The following CCDC3 variants were observed in gnomAD, a reference collection of about 807,000 sequenced individuals.
CCDC3 encodes the protein coiled-coil domain-containing protein 3.
Under a neutral mutation model 21.4 loss-of-function variants are expected in CCDC3, and 24 were observed. That is an observed-to-expected ratio of 1.12 (90% CI 0.81 to 1.58). CCDC3 has a LOEUF of 1.58. Ranked by LOEUF, CCDC3 falls within the 40% of genes most tolerant of loss-of-function variation. The probability of loss-of-function intolerance (pLI) is 0.00; values close to 1 mark genes in which losing one functional copy is unlikely to be tolerated. For missense variants in CCDC3, 425 were observed against 360.9 expected (o/e 1.18, Z -1.44); for synonymous variants, 186 against 166.0 (o/e 1.12, Z -0.93).
At chr10:12,947,560 T>C (rs913035175) in intron 2 of CCDC3, among the ~76,000 whole-genome samples, 2 of 152,192 alleles carry the variant, frequency 1.3e-5, no homozygotes, top group African/African-American at 4.8e-5. Flanking sequence ...TCACCTCAGC[T>C]ACAGGCCACC....
At chr10:12,954,080 A>T (rs1027264045) in intron 2 of CCDC3, among the ~76,000 whole-genome samples, 10 of 152,206 alleles carry the variant, frequency 6.6e-5, no homozygotes, top group African/African-American at 2.4e-4. Context: ...AAAAAATTTT[A>T]AAAAGCACAC....
rs563806943 is a variant in CCDC3, at chr10:13,028,857, A to T, written c.-2+20817T>A. On this transcript the variant is annotated intron_variant, in intron 5 of 6. Coordinates refer to the CCDC3 transcript ENST00000378839. ...TCTGCCTCTTGAGAAGTAAGGAATT[A>T]TTCTGGACATTGCTAGACTGGAACT... 2.0e-5 allele frequency among the ~76,000 whole-genome samples: 3 copies of T among 152,316 alleles called. No individual in the cohort carries two copies. The East Asian group carries it at 5.8e-4, about 29-fold the overall frequency.
upstream of CCDC3, among the ~76,000 whole-genome samples, chr10:13,005,330 T>G (rs1429795675): frequency 6.6e-6 from 1 of 152,118 alleles, no homozygotes; most frequent in Non-Finnish European, 1.5e-5. Context: ...ACCTTCAGAG[T>G]CAAAGGAATC....
chr10:13,069,033 A>G (rs994206221), intron 4 of CCDC3, among the ~76,000 whole-genome samples: 1 of 152,242 alleles, frequency 6.6e-6, no homozygotes, highest in Non-Finnish European at 1.5e-5. Context: ...AGGCAGGCGG[A>G]TCACCTGAGG....
intron 4 of CCDC3, among the ~76,000 whole-genome samples, chr10:13,054,397 A>G (rs1460955934): frequency 6.6e-6 from 1 of 151,906 alleles, no homozygotes; most frequent in Non-Finnish European, 1.5e-5. Flanking sequence ...TTCAAAGTGG[A>G]TTGCTTCCAT....
chr10:13,015,213 G>A (rs1018765189), intron 5 of CCDC3, among the ~76,000 whole-genome samples: 3 of 151,998 alleles, frequency 2.0e-5, no homozygotes, highest in Non-Finnish European at 4.4e-5. Context: ...GCCTGATGTA[G>A]TTACAGTAAA....
At chr10:13,045,722 A>G (rs1452778099) in intron 5 of CCDC3, among the ~76,000 whole-genome samples, 1 of 152,204 alleles carries the variant, frequency 6.6e-6, no homozygotes, top group Non-Finnish European at 1.5e-5. Flanking sequence ...CAGGGTCCTC[A>G]TCAACATTTT....
At chr10:13,024,341 C>T (rs1836188449) in intron 5 of CCDC3, among the ~76,000 whole-genome samples, 4 of 152,104 alleles carry the variant, frequency 2.6e-5, no homozygotes, top group African/African-American at 9.7e-5. Context: ...TCAAGGCAGT[C>T]CTCTCTCTGA....
At chr10:13,007,242 A>C (rs1835935397) in intron 5 of CCDC3, among the ~76,000 whole-genome samples, 3 of 152,180 alleles carry the variant, frequency 2.0e-5, no homozygotes, top group Admixed American at 2.0e-4. Flanking sequence ...TGCAGGTCAC[A>C]CATCGAGTAT....
intron 2 of CCDC3, among the ~76,000 whole-genome samples, chr10:12,901,768 T>C (rs1834096078): frequency 6.6e-6 from 1 of 152,230 alleles, no homozygotes; most frequent in Admixed American, 6.5e-5. Context: ...CCTTTAACTT[T>C]TGTGATTGGA....
chr10:13,069,172 T>A (rs1047154890), intron 4 of CCDC3, among the ~76,000 whole-genome samples: 1 of 152,336 alleles, frequency 6.6e-6, no homozygotes, highest in East Asian at 1.9e-4. Context: ...GGAGAAGCAC[T>A]TGAACCCGGG....
intron 2 of CCDC3, among the ~76,000 whole-genome samples, chr10:12,992,091 A>G (rs929131960): frequency 1.3e-5 from 2 of 151,968 alleles, no homozygotes; most frequent in African/African-American, 2.4e-5. Flanking sequence ...GAAAGAAAAA[A>G]CAAAAACTCC....
At chr10:13,082,513 G>A (rs11258178) in intron 3 of CCDC3, among the ~76,000 whole-genome samples, 49,668 of 152,148 alleles carry the variant, frequency 0.33, 9,352 homozygotes, top group East Asian at 0.53. Context: ...ATGGCTGCGG[G>A]CAGGCCTGTC....
At chr10:12,944,085 C>T (rs73573997) in intron 2 of CCDC3, among the ~76,000 whole-genome samples, 19,585 of 152,080 alleles carry the variant, frequency 0.13, 1,354 homozygotes, top group African/African-American at 0.19. Flanking sequence ...ACCAAAGTGA[C>T]TCCAGTAGAG....
chr10:13,042,858 G>A (rs370913115), intron 5 of CCDC3, among the ~76,000 whole-genome samples: 9 of 142,090 alleles, frequency 6.3e-5, no homozygotes, highest in African/African-American at 2.1e-4. Context: ...GCAGTGAGCC[G>A]AGATGGCGCC....
chr10:12,950,405 G>A (rs961698174), intron 2 of CCDC3, among the ~76,000 whole-genome samples: 5 of 152,072 alleles, frequency 3.3e-5, no homozygotes, highest in African/African-American at 4.8e-5. Context: ...TCTTCCCAGG[G>A]GTTTGTTTCA....
intron 4 of CCDC3, among the ~76,000 whole-genome samples, chr10:13,051,826 A>G (rs1339388100): frequency 6.6e-6 from 1 of 152,086 alleles, no homozygotes; most frequent in African/African-American, 2.4e-5. Flanking sequence ...TAAAGGCAAC[A>G]GATTGGGGGA....
chr10:13,029,589 A>G (rs143785182), intron 5 of CCDC3, among the ~76,000 whole-genome samples: 164 of 152,264 alleles, frequency 1.1e-3, no homozygotes, highest in Non-Finnish European at 2.0e-3. Flanking sequence ...GCTAAAAACC[A>G]TGAAGAAAGA....
intron 2 of CCDC3, among the ~76,000 whole-genome samples, chr10:12,986,956 C>A (rs1835605458): frequency 6.6e-6 from 1 of 152,118 alleles, no homozygotes; most frequent in Admixed American, 6.5e-5. Flanking sequence ...AGTATAGTCA[C>A]AAATCCTGAC....
Sources: gnomAD v4.1 joint callset for allele counts (sites outside exome capture counted in the v4.1 genomes callset) on GRCh38, gnomAD v4.1.1 for gene constraint, MANE v1.5 for transcripts, NCBI Gene and HGNC (gene_info 2026-07-23, HGNC 2026-07-21) for gene names.